Variants in SMG6 observed in about 807,000 individuals in gnomAD.
The protein encoded by SMG6 is SMG6 nonsense mediated mRNA decay factor, also known as telomerase-binding protein EST1A.
In SMG6, 66 loss-of-function variants were observed where a neutral mutation model predicts 142.2. The observed-to-expected ratio is 0.46, with a 90% CI of 0.38 to 0.57. The LOEUF is 0.57. Ranked by LOEUF, SMG6 falls within the 20% of genes least tolerant of loss-of-function variation. The pLI is 0.00. For synonymous variants in SMG6, 779 were observed against 702.4 expected, an observed-to-expected ratio of 1.11 and a Z score of -1.72; for missense variants, 1,793 against 1,832.0, an observed-to-expected ratio of 0.98 and a Z score of 0.39.
intron 10 of SMG6, among the ~76,000 whole-genome samples, chr17:2,211,740 A>C (rs1249446096): frequency 1.3e-5 from 2 of 151,706 alleles, no homozygotes; most frequent in Non-Finnish European, 2.9e-5. Flanking sequence ...TTTACCTTCT[A>C]TGCATAGACA....
chr17:2,207,010 G>A (rs759438412), intron 10 of SMG6, among the ~76,000 whole-genome samples: 1 of 150,960 alleles, frequency 6.6e-6, no homozygotes, highest in Non-Finnish European at 1.5e-5. Context: ...GGTGGCTCAT[G>A]CCTATAATCC....
intron 8 of SMG6, among the ~76,000 whole-genome samples, chr17:2,271,025 C>T (rs918439871): frequency 1.3e-5 from 2 of 151,544 alleles, no homozygotes; most frequent in Non-Finnish European, 2.9e-5. Context: ...TAAGGCCAGG[C>T]GTGGTAGCTC....
intron 6 of SMG6, among the ~76,000 whole-genome samples, chr17:2,284,858 T>C (rs2074869541): frequency 6.6e-6 from 1 of 152,236 alleles, no homozygotes; most frequent in African/African-American, 2.4e-5. Flanking sequence ...TGGCACACCA[T>C]TACAGTTACT....
chr17:2,180,403 C>T (rs370042624), intron 12 of SMG6, among the ~76,000 whole-genome samples: 1 of 152,322 alleles, frequency 6.6e-6, no homozygotes, highest in African/African-American at 2.4e-5. Context: ...CAATCCCTAA[C>T]GGGTACAACT....
chr17:2,105,535 C>T (rs1254224232), intron 13 of SMG6, among the ~76,000 whole-genome samples: 1 of 151,880 alleles, frequency 6.6e-6, no homozygotes, highest in Non-Finnish European at 1.5e-5. Context: ...AAGAGCAAAA[C>T]TCTGTCTCAA....
chr17:2,247,579 G>A (rs1223828221), intron 8 of SMG6, among the ~76,000 whole-genome samples: 2 of 152,182 alleles, frequency 1.3e-5, no homozygotes, highest in African/African-American at 4.8e-5. Context: ...TCTGCGGTCA[G>A]GAGTTCAAGA....
intron 13 of SMG6, among the ~76,000 whole-genome samples, chr17:2,151,385 C>A (rs2070820423): frequency 6.6e-6 from 1 of 152,210 alleles, no homozygotes; most frequent in Non-Finnish European, 1.5e-5. Context: ...TTTAAGCCTG[C>A]CTACAAGTTG....
At chr17:2,082,692 C>T (rs959950215) in intron 14 of SMG6, among the ~76,000 whole-genome samples, 1 of 152,356 alleles carries the variant, frequency 6.6e-6, no homozygotes, top group Middle Eastern at 3.4e-3. Flanking sequence ...TAGCAGCCAT[C>T]ACTCCCTGGG....
intron 8 of SMG6, among the ~76,000 whole-genome samples, chr17:2,265,514 A>AAT (rs2074405350): frequency 6.6e-6 from 1 of 152,066 alleles, no homozygotes; most frequent in Admixed American, 6.6e-5. Context: ...CCTCTCAAAA[A>AAT]AAAAAAACTG....
chr17:2,107,501 C>T (rs1182119115), intron 13 of SMG6, among the ~76,000 whole-genome samples: 1 of 152,200 alleles, frequency 6.6e-6, no homozygotes, highest in Non-Finnish European at 1.5e-5. Context: ...GTTAAACAGA[C>T]ATTCTACCAC....
chr17:2,289,915 CA>C (rs1218580158), intron 6 of SMG6, among the ~76,000 whole-genome samples: 3 of 134,452 alleles, frequency 2.2e-5, no homozygotes, highest in South Asian at 4.7e-4. Flanking sequence ...GGCTCCATCT[CA>C]AAAAAAAATA....
At chr17:2,298,818 A>G in intron 2 of SMG6, 88 bp downstream of exon 2, 1 of 1,307,758 alleles carries the variant, frequency 7.6e-7, no homozygotes, top group East Asian at 2.3e-5. Flanking sequence ...TGGCTCAGCT[A>G]AAAAGTTTCT....
At chr17:2,230,770 C>A (rs1288688234) in intron 10 of SMG6, among the ~76,000 whole-genome samples, 1 of 152,178 alleles carries the variant, frequency 6.6e-6, no homozygotes, top group Non-Finnish European at 1.5e-5. Flanking sequence ...AGCATGCATC[C>A]TTCTCTGGCC....
chr17:2,110,977 C>T (rs761321111), intron 13 of SMG6, among the ~76,000 whole-genome samples: 9 of 152,304 alleles, frequency 5.9e-5, no homozygotes, highest in Middle Eastern at 3.4e-3. Flanking sequence ...GCCGCTACGC[C>T]CACCTTCAGT....
At chr17:2,080,786 C>A (rs998554339) in intron 15 of SMG6, among the ~76,000 whole-genome samples, 1 of 152,086 alleles carries the variant, frequency 6.6e-6, no homozygotes, top group Non-Finnish European at 1.5e-5. Context: ...CAGGTGTGCA[C>A]CACCATGCCC....
At chr17:2,168,026 C>A (rs2071393541) in intron 13 of SMG6, among the ~76,000 whole-genome samples, 1 of 152,064 alleles carries the variant, frequency 6.6e-6, no homozygotes, top group South Asian at 2.1e-4. Context: ...TGCCACCACA[C>A]CTGGCTGTTT....
intron 9 of SMG6, 151 bp from the exon 10 acceptor site, chr17:2,236,788 T>A: frequency 1.5e-6 from 2 of 1,323,324 alleles, no homozygotes; most frequent in Non-Finnish European, 1.9e-6. Context: ...CTTTGCTACT[T>A]TCACAAACCT....
At chr17:2,236,701 TCACACACACACACACACACACACACACA>T (rs71150853) in intron 9 of SMG6, 64 bp from the exon 10 acceptor site, 17 of 958,956 alleles carry the variant, frequency 1.8e-5, no homozygotes, top group East Asian at 1.3e-4. Context: ...TCACTCTGTC[TCACACACACACACACACACACACACACA>T]CACACACACA....
At position 2,066,504 on chromosome 17, in the gene SMG6, G is replaced by C. The variant is rs555402117; in HGVS notation, c.3836-825C>G. 7.9e-5 allele frequency among the ~76,000 whole-genome samples: 12 copies of C among 152,136 alleles called. No homozygotes were observed. In the East Asian group the frequency reaches 2.3e-3, roughly 29 times the overall value. On this transcript the variant is annotated intron_variant, in intron 16 of 18. Coordinates refer to ENST00000263073, the MANE Select transcript of SMG6 (RefSeq NM_017575.5). ...AGTGGGAAATATGTGCTCCTCGGGGGCTCTGGGAGAGTTTGGGGTCTGAGG... is the reference window on the plus strand; with the variant it reads ...AGTGGGAAATATGTGCTCCTCGGGGCCTCTGGGAGAGTTTGGGGTCTGAGG...
Sources: allele counts gnomAD v4.1 joint callset (sites outside exome capture counted in the v4.1 genomes callset), GRCh38; gene constraint gnomAD v4.1.1; transcripts MANE v1.5; gene names NCBI Gene and HGNC (gene_info 2026-07-23, HGNC 2026-07-21).